The following HYDIN variants were observed in gnomAD, a reference collection of about 807,000 sequenced individuals.
The protein encoded by HYDIN is axonemal central pair apparatus protein HYDIN.
Under a neutral mutation model 403.9 loss-of-function variants are expected in HYDIN, and 132 were observed. The observed-to-expected ratio is 0.33, with a 90% CI of 0.28 to 0.38. HYDIN has a LOEUF of 0.38. Ranked by LOEUF, HYDIN falls within the 10% of genes least tolerant of loss-of-function variation. The pLI, the probability that HYDIN is intolerant of heterozygous loss-of-function variation, is 1.00. For synonymous variants in HYDIN, 1,202 were observed against 1,891.7 expected (o/e 0.64, Z 9.46); for missense variants, 2,827 against 5,009.5 (o/e 0.56, Z 13.15).
At chr16:70,825,164 G>C (rs2036515550) in intron 83 of HYDIN, among the ~76,000 whole-genome samples, 1 of 152,190 alleles carries the variant, frequency 6.6e-6, no homozygotes, top group Non-Finnish European at 1.5e-5. Flanking sequence ...TCTGAAATTT[G>C]GATAGCTTAT....
intron 18 of HYDIN, among the ~76,000 whole-genome samples, chr16:71,043,565 A>G (rs1416244396): frequency 9.9e-5 from 15 of 151,292 alleles, no homozygotes; most frequent in Admixed American, 8.6e-4. Context: ...TTTAGTATCT[A>G]TGAGCTTACT....
intron 1 of HYDIN, among the ~76,000 whole-genome samples, chr16:71,198,133 T>C (rs1567441049): frequency 6.6e-6 from 1 of 152,248 alleles, no homozygotes; most frequent in Non-Finnish European, 1.5e-5. Context: ...TGGAATCACA[T>C]ATTATGTACG....
At chr16:71,017,448 C>T (rs1482679876) in intron 23 of HYDIN, among the ~76,000 whole-genome samples, 1 of 152,000 alleles carries the variant, frequency 6.6e-6, no homozygotes, top group African/African-American at 2.4e-5. Flanking sequence ...TCACTTTCTG[C>T]CATGATTGTA....
chr16:70,959,019 C>A (rs1264449407), intron 39 of HYDIN, among the ~76,000 whole-genome samples: 1 of 151,910 alleles, frequency 6.6e-6, no homozygotes, highest in Non-Finnish European at 1.5e-5. Flanking sequence ...TGGGAAGGAG[C>A]TCTGTGAACT....
intron 69 of HYDIN, 85 bp from the exon 70 acceptor site, chr16:70,860,986 A>T: frequency 9.8e-7 from 1 of 1,016,492 alleles, no homozygotes; most frequent in Non-Finnish European, 1.5e-6. Context: ...TCTTATATCC[A>T]CCAGAATGTG....
chr16:71,188,008 G>T (rs1053184427), intron 1 of HYDIN, among the ~76,000 whole-genome samples: 4 of 152,106 alleles, frequency 2.6e-5, no homozygotes, highest in African/African-American at 4.8e-5. Flanking sequence ...CCTTCCTTTG[G>T]TTCCAGTGGA....
chr16:71,167,040 G>A (rs1272177911), intron 5 of HYDIN, among the ~76,000 whole-genome samples: 12 of 147,012 alleles, frequency 8.2e-5, no homozygotes, highest in Non-Finnish European at 1.4e-4. Context: ...ACCCCAGCCT[G>A]GGCGACAGAG....
chr16:71,206,670 A>T (rs1456014335), intron 1 of HYDIN, among the ~76,000 whole-genome samples: 4 of 152,228 alleles, frequency 2.6e-5, no homozygotes, highest in Admixed American at 2.6e-4. Context: ...CAAGGAAGCT[A>T]AGAATCATAA....
chr16:71,090,812 G>A (rs2083098706), intron 11 of HYDIN, among the ~76,000 whole-genome samples: 1 of 150,782 alleles, frequency 6.6e-6, no homozygotes, highest in Non-Finnish European at 1.5e-5. Flanking sequence ...GTCAGTGACT[G>A]CTATTTATAT....
chr16:70,929,109 G>A (rs2077238719), intron 45 of HYDIN, among the ~76,000 whole-genome samples: 1 of 150,736 alleles, frequency 6.6e-6, no homozygotes, highest in South Asian at 2.1e-4. Context: ...GATCAACATG[G>A]TGAAACCTTG....
chr16:71,064,683 G>GAAGA, intron 16 of HYDIN, 22 bp downstream of exon 16: 1 of 1,601,320 alleles, frequency 6.2e-7, no homozygotes, highest in Non-Finnish European at 8.5e-7. Flanking sequence ...AATTAATACT[G>GAAGA]AAGAAGGAGA....
At chr16:71,213,921 G>C (rs2088731911) in intron 1 of HYDIN, among the ~76,000 whole-genome samples, 1 of 151,784 alleles carries the variant, frequency 6.6e-6, no homozygotes, top group Non-Finnish European at 1.5e-5. Flanking sequence ...CCAATCAACA[G>C]AAATTTAAGG....
intron 14 of HYDIN, among the ~76,000 whole-genome samples, chr16:71,067,601 A>G (rs2082319248): frequency 6.6e-6 from 1 of 151,026 alleles, no homozygotes; most frequent in South Asian, 2.1e-4. Context: ...AATGGCTGTT[A>G]GTACAATGGC....
chr16:71,176,432 C>T (rs182838564), intron 4 of HYDIN, among the ~76,000 whole-genome samples: 91 of 152,238 alleles, frequency 6.0e-4, no homozygotes, highest in Middle Eastern at 3.4e-3. Context: ...AGAGAAGTCA[C>T]ACTTCCTGCA....
In HYDIN at chr16:71,102,164, T is replaced by G. The variant is rs376951757; in HGVS notation, c.1328-8229A>C. Among the ~76,000 whole-genome samples, 212 of 152,028 alleles carry G rather than the reference T, an allele frequency of 1.4e-3. 3 individuals are homozygous for G. In the East Asian group the frequency reaches 0.033, roughly 24 times the overall value. On this transcript the variant is annotated intron_variant, in intron 10 of 85. Coordinates refer to ENST00000393567, the MANE Select transcript of HYDIN (RefSeq NM_001270974.2). ...GTATGAAGAAAACCAAGGAAATGATTAACTGACTACACAAAATTTTAAATG... is the reference window on the plus strand; with the variant it reads ...GTATGAAGAAAACCAAGGAAATGATGAACTGACTACACAAAATTTTAAATG...
chr16:70,853,320 T>C (rs1404570676), intron 73 of HYDIN, among the ~76,000 whole-genome samples: 1 of 152,194 alleles, frequency 6.6e-6, no homozygotes, highest in African/African-American at 2.4e-5. Context: ...TTCTTTTTTT[T>C]TTCTGGAAAC....
intron 10 of HYDIN, among the ~76,000 whole-genome samples, chr16:71,098,383 T>C (rs1338047262): frequency 6.6e-6 from 1 of 151,746 alleles, no homozygotes; most frequent in East Asian, 1.9e-4. Flanking sequence ...TTTGTATTTT[T>C]AGTAGAAACG....
intron 23 of HYDIN, among the ~76,000 whole-genome samples, chr16:71,000,785 T>G (rs1372948778): frequency 6.6e-6 from 1 of 152,002 alleles, no homozygotes; most frequent in Non-Finnish European, 1.5e-5. Flanking sequence ...AGATTCTAGA[T>G]GAACAGGCTA....
chr16:70,834,896 A>T (rs1237294473), intron 78 of HYDIN, among the ~76,000 whole-genome samples: 1 of 149,226 alleles, frequency 6.7e-6, no homozygotes, highest in African/African-American at 2.5e-5. Context: ...GTGTGTATAT[A>T]TATATACACA....
Sources: gnomAD v4.1 joint callset for allele counts (sites outside exome capture counted in the v4.1 genomes callset) on GRCh38, gnomAD v4.1.1 for gene constraint, MANE v1.5 for transcripts, NCBI Gene and HGNC (gene_info 2026-07-23, HGNC 2026-07-21) for gene names.